SPTB: variants seen among roughly 807,000 people sequenced by gnomAD.
SPTB encodes spectrin beta chain, erythrocytic.
A neutral mutation model predicts 256.2 loss-of-function variants in SPTB; 45 were observed. That is an observed-to-expected ratio of 0.18 (90% confidence interval 0.14 to 0.23). The LOEUF (loss-of-function observed/expected upper bound fraction) is 0.23. Among genes scored for constraint, SPTB ranks in the 10% least tolerant of loss-of-function variants. SPTB has a pLI of 1.00. For synonymous variants in SPTB, 1,231 were observed against 1,243.1 expected, an observed-to-expected ratio of 0.99 and a Z score of 0.21; for missense variants, 2,715 against 3,040.4, an observed-to-expected ratio of 0.89 and a Z score of 2.52.
intron 32 of SPTB, among the ~76,000 whole-genome samples, chr14:64,762,929 C>G (rs1204282961): frequency 2.0e-5 from 3 of 152,246 alleles, no homozygotes; most frequent in Admixed American, 6.5e-5. Context: ...GCACCAATCC[C>G]TTTCAGGGAC....
Position 64,774,476 on chromosome 14 carries a change from C to A in SPTB, c.4894G>T (p.Ala1632Ser), listed in dbSNP as rs1411013976. 6.4e-7 allele frequency: 1 copy of A among 1,557,064 alleles called. No homozygotes were observed. Among genetic ancestry groups the A allele is most frequent in the Non-Finnish European group, 8.7e-7 (1 of 1,150,110 alleles). Residue 1632 changes from alanine (A) to serine (S), a missense_variant, in exon 24 of 36, where the codon GCG becomes TCG. By Grantham distance (99) the Ala-to-Ser change is moderately conservative. Around this residue, in one of 4 missense-constraint regions of SPTB, gnomAD observed 2,239 missense variants for 2,384.4 expected, o/e 0.94. Coordinates refer to ENST00000644917, the MANE Select transcript of SPTB (RefSeq NM_001355436.2). ...MLKRHLRQQR[A>S]VEDYGRNIKQ... ...ATGTTCCGGCCGTAGTCCTCCACCGCACGCTGCTGCCGCAAATGTCGCTTC... is the reference window on the plus strand; with the variant it reads ...ATGTTCCGGCCGTAGTCCTCCACCGAACGCTGCTGCCGCAAATGTCGCTTC...
At chr14:64,821,497 C>T (rs1436526721) in intron 2 of SPTB, among the ~76,000 whole-genome samples, 1 of 152,204 alleles carries the variant, frequency 6.6e-6, no homozygotes, top group Non-Finnish European at 1.5e-5. Context: ...TATGGTACCC[C>T]TCTCCCTCCA....
Position 64,862,630 on chromosome 14 carries a change from T to G in SPTB, c.-52+17162A>C, listed in dbSNP as rs143858019. ...GCCTCACAACTGTAATCCCAGCACT[T>G]TGGGAGGCCGAGGTGGGCAGATAAC... On this transcript the variant is annotated intron_variant, in intron 1 of 35. Transcript: ENST00000644917. Among the ~76,000 whole-genome samples, 839 of 152,098 alleles carry G rather than the reference T, an allele frequency of 5.5e-3. 4 individuals carry two copies. The highest frequency in any genetic ancestry group is 0.02 in the African/African-American group (812 of 41,530).
chr14:64,778,431 T>A lies in SPTB; in HGVS notation c.4563+726A>T, dbSNP rs1466893449. On this transcript the variant is annotated intron_variant, in intron 22 of 35. Coordinates refer to ENST00000644917, the MANE Select transcript of SPTB (RefSeq NM_001355436.2). The surrounding 1 kb of genome is among the most constrained non-coding windows in gnomAD (Gnocchi z 5.2). ...AGAGCATGCAGAGGGAGGGTCTCTC[T>A]GTCCAAGAAGGGTCTGTGGCCATTC... 6.6e-6 allele frequency among the ~76,000 whole-genome samples: 1 copy of A among 152,202 alleles called. No homozygotes were observed. The highest frequency in any genetic ancestry group is 1.5e-5 in the Non-Finnish European group (1 of 68,042).
At position 64,772,612 on chromosome 14, in the gene SPTB, A is replaced by G. The variant is rs1420676524; in HGVS notation, c.5521T>C (p.Phe1841Leu). Residue 1841 changes from phenylalanine (F) to leucine (L), a missense_variant, in exon 26 of 36, where the codon TTC becomes CTC. By Grantham distance (22) the Phe-to-Leu change is conservative. This residue lies in a region of SPTB where 2,239 missense variants were observed against 2,384.4 expected (regional missense o/e 0.94). Transcript: ENST00000644917. The surrounding 1 kb of genome is among the most constrained non-coding windows in gnomAD (Gnocchi z 5.4). ...AESFHRVHTA[F>L]ERELHLLGVQ... Reference sequence around the variant, plus strand: ...CCCAGCAGGTGGAGCTCCCGCTCGAAGGCTGTGTGCACCCGGTGGAAGGAC... The same window carrying G: ...CCCAGCAGGTGGAGCTCCCGCTCGAGGGCTGTGTGCACCCGGTGGAAGGAC... The G allele has an allele frequency of 6.2e-7, 1 of 1,611,842 alleles. No individual in the cohort carries two copies. Among genetic ancestry groups the G allele is most frequent in the Non-Finnish European group, 8.5e-7 (1 of 1,179,922 alleles).
At chr14:64,766,513 G>A (rs1846272498) in intron 32 of SPTB, 2 of 1,473,018 alleles carry the variant, frequency 1.4e-6, no homozygotes, top group Non-Finnish European at 1.8e-6. Flanking sequence ...TCTGCGCTGT[G>A]GGGAGGAGTG....
chr14:64,787,738 T>C (rs778044826), intron 15 of SPTB, among the ~76,000 whole-genome samples: 11 of 152,248 alleles, frequency 7.2e-5, no homozygotes, highest in Non-Finnish European at 1.0e-4. Flanking sequence ...GTGACTAGCA[T>C]AATCTTAACC....
rs753496514 is a variant in SPTB, at chr14:64,749,603, C to T, written c.6819+51G>A. On this transcript the variant is annotated intron_variant, in intron 35 of 35. Transcript: ENST00000644917. The surrounding 1 kb of genome is among the most constrained non-coding windows in gnomAD (Gnocchi z 4.7). ...CCTCCAGGGCAAGCGGCCTGGGGTC[C>T]TCCACCTACCCCCTTCTTAGCCAGG... The T allele has an allele frequency of 1.2e-6, 2 of 1,611,670 alleles. No homozygotes were observed. The highest frequency in any genetic ancestry group is 1.1e-5 in the South Asian group (1 of 91,062).
chr14:64,835,252 C>G (rs944255798), intron 1 of SPTB, among the ~76,000 whole-genome samples: 4 of 152,080 alleles, frequency 2.6e-5, no homozygotes, highest in Non-Finnish European at 5.9e-5. Context: ...CCTGTAGAGT[C>G]CATTCTCTTT....
chr14:64,761,136 A>AGCCAAGAAGTGACTCTGGCC (rs1304866900), intron 32 of SPTB, among the ~76,000 whole-genome samples: 5 of 152,194 alleles, frequency 3.3e-5, no homozygotes, highest in Admixed American at 2.0e-4. Flanking sequence ...GGGAGCCAGC[A>AGCCAAGAAGTGACTCTGGCC]GCCAAGAAGT....
At chr14:64,864,399 T>C (rs939901726) in intron 1 of SPTB, among the ~76,000 whole-genome samples, 3 of 152,102 alleles carry the variant, frequency 2.0e-5, no homozygotes, top group South Asian at 4.2e-4. Flanking sequence ...CAGTGAGCTA[T>C]GATTGCATCA....
intron 2 of SPTB, among the ~76,000 whole-genome samples, chr14:64,814,444 A>AT (rs1484050881): frequency 3.3e-5 from 5 of 152,092 alleles, no homozygotes; most frequent in African/African-American, 1.2e-4. Flanking sequence ...TTTTTCTCAT[A>AT]TTTTCTATAT....
intron 1 of SPTB, among the ~76,000 whole-genome samples, chr14:64,856,719 C>T (rs375797): frequency 0.94 from 142,833 of 152,316 alleles, 67,592 homozygotes; most frequent in Non-Finnish European, 0.98. Flanking sequence ...CCAAGGTTTA[C>T]GGAGCTCAGA....
intron 1 of SPTB, among the ~76,000 whole-genome samples, chr14:64,830,474 A>T (rs1173725424): frequency 6.6e-6 from 1 of 151,582 alleles, no homozygotes; most frequent in African/African-American, 2.4e-5. Flanking sequence ...TGCCTTCTGG[A>T]GCCTTTTTAA....
intron 1 of SPTB, among the ~76,000 whole-genome samples, chr14:64,861,493 C>A (rs1004710979): frequency 6.6e-6 from 1 of 152,142 alleles, no homozygotes; most frequent in Non-Finnish European, 1.5e-5. Flanking sequence ...ACACACGTGG[C>A]TGCACTGACC....
At position 64,791,894 on chromosome 14, in the gene SPTB, C is replaced by T. The variant is rs8010244; in HGVS notation, c.2667-38G>A. On this transcript the variant is annotated intron_variant, in intron 14 of 35. Transcript: ENST00000644917. ...AAGGAAAATATGAGGATGGGTGAGG[C>T]GGCAGCAGACATTTCCTTGCCAGTG... The T allele has an allele frequency of 9.2e-3, 14,809 of 1,613,146 alleles. 1,190 individuals carry two copies. In the African/African-American group the frequency reaches 0.17, roughly 19 times the overall value.
intron 1 of SPTB, among the ~76,000 whole-genome samples, chr14:64,874,912 A>C (rs112477820): frequency 4.6e-5 from 7 of 152,232 alleles, no homozygotes; most frequent in African/African-American, 1.7e-4. Context: ...ATCCTGGATG[A>C]TCTGAGCCTG....
rs999295197 is a variant in SPTB, at chr14:64,866,285, G to T, written c.-52+13507C>A. ...TCACTGTCAGCTCTCCATCGAGTTT[G>T]CTGACTGTTGTCTGCTTATCGCTGG... On this transcript the variant is annotated intron_variant, in intron 1 of 35. Transcript: ENST00000644917. The surrounding 1 kb of genome is among the most constrained non-coding windows in gnomAD (Gnocchi z 4.6). Among the ~76,000 whole-genome samples the T allele has an allele frequency of 6.6e-6, 1 of 152,130 alleles. No individual in the cohort carries two copies. The highest frequency in any genetic ancestry group is 1.5e-5 in the Non-Finnish European group (1 of 68,016).
At chr14:64,812,826 T>C (rs1458342653) in intron 2 of SPTB, among the ~76,000 whole-genome samples, 1 of 152,210 alleles carries the variant, frequency 6.6e-6, no homozygotes, top group Non-Finnish European at 1.5e-5. Context: ...CATTTCTGGG[T>C]CCACCTATTT....
Sources: allele counts gnomAD v4.1 joint callset (sites outside exome capture counted in the v4.1 genomes callset), GRCh38; gene constraint gnomAD v4.1.1; regional missense constraint gnomAD v4.1.1; non-coding constraint Gnocchi (gnomAD v3.1); transcripts MANE v1.5; gene names NCBI Gene and HGNC (gene_info 2026-07-23, HGNC 2026-07-21).